The following RUNX2 variants were observed in gnomAD, a reference collection of about 807,000 sequenced individuals.
RUNX2 encodes the protein RUNX family transcription factor 2, also known as runt-related transcription factor 2.
Under a neutral mutation model 51.7 loss-of-function variants are expected in RUNX2, and 10 were observed. The observed-to-expected ratio is 0.19, with a 90% CI of 0.12 to 0.33. RUNX2 has a LOEUF of 0.33. Ranked by LOEUF, RUNX2 falls within the 10% of genes least tolerant of loss-of-function variation. The pLI is 1.00. For missense variants in RUNX2, 562 were observed against 691.3 expected (o/e 0.81, Z 2.10); for synonymous variants, 276 against 273.6 (o/e 1.01, Z -0.09).
chr6:45,363,972 G>A (rs1461795950), intron 2 of RUNX2, among the ~76,000 whole-genome samples: 8 of 151,846 alleles, frequency 5.3e-5, no homozygotes, highest in Admixed American at 1.3e-4. Flanking sequence ...AAAATTAGCC[G>A]GGTGTGGTGG....
intron 2 of RUNX2, among the ~76,000 whole-genome samples, chr6:45,353,778 C>CA: frequency 6.6e-6 from 1 of 151,462 alleles, no homozygotes; most frequent in East Asian, 1.9e-4. Context: ...AATGAAAACT[C>CA]ATTTTTTTTT....
At chr6:45,332,729 T>C (rs778058290) in intron 2 of RUNX2, among the ~76,000 whole-genome samples, 3 of 151,676 alleles carry the variant, frequency 2.0e-5, no homozygotes, top group Admixed American at 6.6e-5. Flanking sequence ...TGTGACCAAA[T>C]AGACAAATGC....
rs533460314 is a variant in RUNX2 at position 45,394,962 on chromosome 6, G to C, written c.59-27631G>C. Among the ~76,000 whole-genome samples, 6 of 152,200 alleles carry C rather than the reference G, an allele frequency of 3.9e-5. No individual in the cohort carries two copies. The South Asian group carries it at 1.0e-3, about 26-fold the overall frequency. ...AAAACTCAGGAATGGGTGTGTGTGGGGGGGAGGCAAGACTAGGGCCCCAGG... is the reference window on the plus strand; with the variant it reads ...AAAACTCAGGAATGGGTGTGTGTGGCGGGGAGGCAAGACTAGGGCCCCAGG... On this transcript the variant is annotated intron_variant, in intron 2 of 8. Transcript: ENST00000647337.
chr6:45,546,141 C>T (rs1487474176), intron 8 of RUNX2, among the ~76,000 whole-genome samples: 2 of 151,944 alleles, frequency 1.3e-5, no homozygotes, highest in South Asian at 2.1e-4. Context: ...CCTAAGGTAC[C>T]AAGCCCCCTT....
intron 2 of RUNX2, among the ~76,000 whole-genome samples, chr6:45,410,582 A>G (rs1466792244): frequency 1.3e-5 from 2 of 152,132 alleles, no homozygotes; most frequent in Non-Finnish European, 2.9e-5. Flanking sequence ...GCTCCAGGGG[A>G]CACTATTCAC....
chr6:45,495,188 A>C (rs139223190), intron 6 of RUNX2, among the ~76,000 whole-genome samples: 2 of 152,324 alleles, frequency 1.3e-5, no homozygotes, highest in African/African-American at 4.8e-5. Context: ...ACCCTGCTAC[A>C]TTGTACATTC....
At chr6:45,398,839 T>G (rs1041941634) in intron 2 of RUNX2, among the ~76,000 whole-genome samples, 38 of 152,338 alleles carry the variant, frequency 2.5e-4, no homozygotes, top group Non-Finnish European at 5.1e-4. Flanking sequence ...GTATTATTGG[T>G]CCCATTTTAG....
At chr6:45,485,465 G>A (rs1800245623) in intron 5 of RUNX2, among the ~76,000 whole-genome samples, 1 of 151,650 alleles carries the variant, frequency 6.6e-6, no homozygotes, top group African/African-American at 2.4e-5. Flanking sequence ...GCCTCCCAAA[G>A]TGTTGGGATT....
rs532737013 is a variant in RUNX2, at chr6:45,395,886, A to T, written c.59-26707A>T. ...TCACCATGTTGGCCAGGCTGGTCTC[A>T]AACTCCTGGCCTCAAGTGATCCACT... On this transcript the variant is annotated intron_variant, in intron 2 of 8. Coordinates refer to ENST00000647337, the MANE Select transcript of RUNX2 (RefSeq NM_001024630.4). Among the ~76,000 whole-genome samples the T allele has an allele frequency of 2.0e-4, 30 of 152,286 alleles. No homozygotes were observed. In the East Asian group the frequency reaches 5.4e-3, roughly 27 times the overall value.
chr6:45,418,635 C>G (rs1798114298), intron 2 of RUNX2, among the ~76,000 whole-genome samples: 1 of 152,138 alleles, frequency 6.6e-6, no homozygotes, highest in Non-Finnish European at 1.5e-5. Context: ...GTTTAGGGGT[C>G]TGTAAAAATG....
intron 2 of RUNX2, chr6:45,365,141 G>T: frequency 3.9e-6 from 4 of 1,016,328 alleles, no homozygotes; most frequent in Non-Finnish European, 2.9e-6. Context: ...TATGTCTATT[G>T]TCTTTCAACA....
intron 6 of RUNX2, among the ~76,000 whole-genome samples, chr6:45,502,277 T>C (rs1307078153): frequency 6.6e-6 from 1 of 152,208 alleles, no homozygotes; most frequent in East Asian, 1.9e-4. Flanking sequence ...TTATGCACGT[T>C]TGTTCTGCTC....
intron 2 of RUNX2, among the ~76,000 whole-genome samples, chr6:45,345,438 G>A (rs1790651808): frequency 1.3e-5 from 2 of 151,788 alleles, no homozygotes; most frequent in South Asian, 4.1e-4. Flanking sequence ...TAATCCTTTA[G>A]TATTATAAAT....
At chr6:45,523,427 T>A (rs558620406) in intron 7 of RUNX2, among the ~76,000 whole-genome samples, 2 of 151,952 alleles carry the variant, frequency 1.3e-5, no homozygotes, top group South Asian at 4.2e-4. Context: ...CCACGATGCC[T>A]GGCTAACTAA....
intron 5 of RUNX2, among the ~76,000 whole-genome samples, chr6:45,448,317 C>T (rs1218575598): frequency 6.6e-6 from 1 of 152,188 alleles, no homozygotes; most frequent in Admixed American, 6.5e-5. Flanking sequence ...GGCTGTTGCT[C>T]CCTGAGCAAC....
chr6:45,370,288 G>A (rs1330882388), intron 2 of RUNX2, among the ~76,000 whole-genome samples: 1 of 152,138 alleles, frequency 6.6e-6, no homozygotes, highest in Admixed American at 6.5e-5. Context: ...TGGATTACAC[G>A]TGGGGTGTGA....
At chr6:45,361,908 TG>T (rs979009615) in intron 2 of RUNX2, among the ~76,000 whole-genome samples, 35 of 152,134 alleles carry the variant, frequency 2.3e-4, no homozygotes, top group African/African-American at 7.9e-4. Context: ...AAAATCAGCC[TG>T]GCGTGGTAGC....
intron 2 of RUNX2, among the ~76,000 whole-genome samples, chr6:45,386,720 G>A (rs554009230): frequency 6.6e-6 from 1 of 152,290 alleles, no homozygotes; most frequent in African/African-American, 2.4e-5. Context: ...AACAAAATGA[G>A]GAAGGATAAT....
chr6:45,432,386 C>G (rs1024227808), intron 4 of RUNX2, among the ~76,000 whole-genome samples: 54 of 152,206 alleles, frequency 3.5e-4, no homozygotes, highest in African/African-American at 1.3e-3. Flanking sequence ...GATCAATTTC[C>G]TGGTAATATC....
Sources: gnomAD v4.1 joint callset for allele counts (sites outside exome capture counted in the v4.1 genomes callset) on GRCh38, gnomAD v4.1.1 for gene constraint, MANE v1.5 for transcripts, NCBI Gene and HGNC (gene_info 2026-07-23, HGNC 2026-07-21) for gene names.